AFG3L2: variants seen among roughly 807,000 people sequenced by gnomAD.
The protein encoded by AFG3L2 is mitochondrial inner membrane m-AAA protease component AFG3L2.
In AFG3L2, 54 loss-of-function variants were observed where a neutral mutation model predicts 94.5. The observed-to-expected ratio is 0.57, with a 90% confidence interval of 0.46 to 0.72. AFG3L2 has a LOEUF of 0.72. Ranked by LOEUF, AFG3L2 falls within the 30% of genes least tolerant of loss-of-function variation. AFG3L2 has a pLI of 0.00. For missense variants in AFG3L2, 754 were observed against 994.9 expected (o/e 0.76, Z 3.26); for synonymous variants, 377 against 365.5 (o/e 1.03, Z -0.36).
At chr18:12,349,970 G>GT (rs944321595) in intron 12 of AFG3L2, among the ~76,000 whole-genome samples, 3 of 146,678 alleles carry the variant, frequency 2.0e-5, no homozygotes, top group Admixed American at 6.9e-5. Context: ...CCAAAACCAC[G>GT]TTTTTATATA....
intron 15 of AFG3L2, 87 bp from the exon 16 acceptor site, chr18:12,337,622 G>A (rs1391485925): frequency 8.1e-7 from 1 of 1,233,428 alleles, no homozygotes. Context: ...CGGCTAAAGT[G>A]CACAAAGGTG....
intron 13 of AFG3L2, among the ~76,000 whole-genome samples, chr18:12,346,394 C>T (rs1427341615): frequency 1.3e-5 from 2 of 152,202 alleles, no homozygotes; most frequent in Non-Finnish European, 2.9e-5. Flanking sequence ...CCCCGGCTCA[C>T]ATGCAGGACA....
chr18:12,367,409 G>A lies in AFG3L2; in HGVS notation c.293-27C>T, dbSNP rs1362341707. 4 of 1,608,276 alleles carry A rather than the reference G, an allele frequency of 2.5e-6. No homozygotes were observed. In the African/African-American group the frequency reaches 5.3e-5, roughly 21 times the overall value. On this transcript the variant is annotated intron_variant, in intron 3 of 16. Transcript: ENST00000269143. ...TGTTCATAAACAAAGAGCACACACA[G>A]AAGCACGGCAAGGTTTTAGCTCTCT...
chr18:12,348,914 G>A (rs1908227128), intron 12 of AFG3L2, among the ~76,000 whole-genome samples: 1 of 152,130 alleles, frequency 6.6e-6, no homozygotes, highest in Non-Finnish European at 1.5e-5. Context: ...GCATAAATAA[G>A]CTACAGCATA....
At position 12,367,320 on chromosome 18, in the gene AFG3L2, C is replaced by T. The variant is rs2143217969; in HGVS notation, c.355G>A (p.Gly119Ser). 3 of 1,614,204 alleles carry T rather than the reference C, an allele frequency of 1.9e-6. No individual in the cohort carries two copies. The highest frequency in any genetic ancestry group is 4.5e-5 in the East Asian group (2 of 44,890). Residue 119 changes from glycine to serine, a missense_variant, in exon 4 of 17, where the codon GGT (glycine) becomes AGT (serine). By Grantham distance (56) the Gly-to-Ser change is moderately conservative (BLOSUM62 0). Transcript: ENST00000269143. ...CAGTGAGAATCATCTTTCTTGCCAC[C>T]TCGTTTTCCACCGCCACCACCTCCT... ...GGGGGGGGKRGGKKDDSHWWS... is the reference protein window; with the variant it reads ...GGGGGGGGKRSGKKDDSHWWS...
chr18:12,336,134 T>C (rs535452594), intron 16 of AFG3L2, among the ~76,000 whole-genome samples: 1 of 152,282 alleles, frequency 6.6e-6, no homozygotes, highest in Admixed American at 6.5e-5. Context: ...TAAACTACCC[T>C]TGTAAAACTA....
chr18:12,371,832 T>G (rs1254465692), intron 1 of AFG3L2, 141 bp from the exon 2 acceptor site: 1 of 712,646 alleles, frequency 1.4e-6, no homozygotes, highest in African/African-American at 1.8e-5. Flanking sequence ...ACTCCCTTAG[T>G]GAGGACTAGG....
Position 12,355,385 on chromosome 18 carries a change from C to T in AFG3L2, c.1164+1309G>A, listed in dbSNP as rs75798676. Among the ~76,000 whole-genome samples, 465 of 152,150 alleles carry T rather than the reference C, an allele frequency of 3.1e-3. 1 individual carries two copies. Among genetic ancestry groups the T allele is most frequent in the African/African-American group, 0.011 (443 of 41,508 alleles). ...ATCATGGAAATGCAAATCAAAACCA[C>T]GAGATACTACATCACACCCACTAAG... is the stretch of plus-strand genomic sequence containing the variant. On this transcript the variant is annotated intron_variant, in intron 9 of 16. Coordinates refer to ENST00000269143, the MANE Select transcript of AFG3L2 (RefSeq NM_006796.3).
At chr18:12,350,357 T>C (rs1691798722) in intron 12 of AFG3L2, among the ~76,000 whole-genome samples, 1 of 152,182 alleles carries the variant, frequency 6.6e-6, no homozygotes, top group South Asian at 2.1e-4. Flanking sequence ...CCTGTAAATA[T>C]ACTAGAAACC....
intron 8 of AFG3L2, among the ~76,000 whole-genome samples, chr18:12,358,225 G>A (rs1302077179): frequency 6.6e-6 from 1 of 152,220 alleles, no homozygotes; most frequent in African/African-American, 2.4e-5. Context: ...TGCTGGAAAG[G>A]GGAAGGTGAT....
intron 16 of AFG3L2, 44 bp from the exon 17 acceptor site, chr18:12,329,827 G>A: frequency 6.6e-7 from 1 of 1,523,140 alleles, no homozygotes; most frequent in Non-Finnish European, 9.1e-7. Context: ...ACTCAGCAAA[G>A]TCTATTCAGA....
chr18:12,374,502 G>A (rs1273556045), intron 1 of AFG3L2, among the ~76,000 whole-genome samples: 1 of 152,126 alleles, frequency 6.6e-6, no homozygotes, highest in African/African-American at 2.4e-5. Flanking sequence ...GCACAGTAAT[G>A]CCCAGGTGTC....
chr18:12,367,892 G>A (rs1168373488), intron 3 of AFG3L2, among the ~76,000 whole-genome samples: 1 of 152,158 alleles, frequency 6.6e-6, no homozygotes, highest in Non-Finnish European at 1.5e-5. Flanking sequence ...CCTCTGGCCG[G>A]GCGCGGTGGT....
At chr18:12,347,017 A>T (rs1469501025) in intron 13 of AFG3L2, among the ~76,000 whole-genome samples, 1 of 151,930 alleles carries the variant, frequency 6.6e-6, no homozygotes, top group Admixed American at 6.6e-5. Context: ...GGTGCCTGTA[A>T]TAGCAGCTAC....
chr18:12,361,003 CT>C (rs1245414845), intron 6 of AFG3L2, among the ~76,000 whole-genome samples: 1 of 152,220 alleles, frequency 6.6e-6, no homozygotes, highest in Non-Finnish European at 1.5e-5. Flanking sequence ...TACAAAAAAA[CT>C]TTGTTTCTCC....
intron 16 of AFG3L2, among the ~76,000 whole-genome samples, chr18:12,336,913 C>T (rs1009833328): frequency 9.2e-5 from 14 of 152,182 alleles, no homozygotes; most frequent in African/African-American, 2.2e-4. Context: ...GTAACTTTCA[C>T]GTACCAATTT....
intron 5 of AFG3L2, among the ~76,000 whole-genome samples, chr18:12,365,121 G>A (rs1908766949): frequency 6.6e-6 from 1 of 152,184 alleles, no homozygotes; most frequent in Non-Finnish European, 1.5e-5. Context: ...AAGCAAAGGA[G>A]CCCCAGAGCA....
chr18:12,366,935 C>T (rs1908824407), intron 5 of AFG3L2, 30 bp downstream of exon 5: 5 of 1,613,508 alleles, frequency 3.1e-6, no homozygotes, highest in South Asian at 1.1e-5. Context: ...CTTTGAACCA[C>T]AACAGCCACC....
At position 12,358,856 on chromosome 18, in the gene AFG3L2, C is replaced by T. The variant is rs894887905; in HGVS notation, c.840G>A (p.Arg280=). The T allele has an allele frequency of 6.2e-7, 1 of 1,614,250 alleles. No individual in the cohort carries two copies. The highest frequency in any genetic ancestry group is 8.5e-7 in the Non-Finnish European group (1 of 1,180,056). Residue 280 remains arginine, a synonymous_variant, in exon 8 of 17, where the codon CGG becomes CGA. Coordinates refer to ENST00000269143, the MANE Select transcript of AFG3L2 (RefSeq NM_006796.3). ...AGAGTCCGCCCATCCCTCGGCCTGT[C>T]CGGCCAATGCCAGCAGGCCCTCTTC... The part of the protein sequence containing the change: ...TIRRGPAGIG[R]TGRGMGGLFS...
Sources: gnomAD v4.1 joint callset for allele counts (sites outside exome capture counted in the v4.1 genomes callset) on GRCh38, gnomAD v4.1.1 for gene constraint, MANE v1.5 for transcripts, NCBI Gene and HGNC (gene_info 2026-07-23, HGNC 2026-07-21) for gene names.